The following ERC2 variants were observed in gnomAD, a reference collection of about 807,000 sequenced individuals.
ERC2 encodes ERC protein 2.
ERC2 carries 42 observed loss-of-function variants against 114.8 expected under a neutral mutation model. The ratio of observed to expected loss-of-function variants is 0.37; its 90% confidence interval spans 0.29 to 0.47. The LOEUF (loss-of-function observed/expected upper bound fraction) is 0.47. Among genes scored for constraint, ERC2 ranks in the 20% least tolerant of loss-of-function variants. The pLI, the probability that ERC2 is intolerant of heterozygous loss-of-function variation, is 0.99. For missense variants in ERC2, 939 were observed against 1,150.7 expected (o/e 0.82, Z 2.66); for synonymous variants, 454 against 425.5 (o/e 1.07, Z -0.82).
intron 14 of ERC2, among the ~76,000 whole-genome samples, chr3:55,824,890 G>A (rs1575728131): frequency 6.6e-6 from 1 of 152,190 alleles, no homozygotes; most frequent in African/African-American, 2.4e-5. Flanking sequence ...GTTGAGATAA[G>A]TGTTTAGATT....
chr3:56,226,405 A>C (rs2050251055), intron 3 of ERC2, among the ~76,000 whole-genome samples: 1 of 152,144 alleles, frequency 6.6e-6, no homozygotes, highest in Non-Finnish European at 1.5e-5. Context: ...ACAAAATTAA[A>C]AGTGCACGAA....
intron 4 of ERC2, among the ~76,000 whole-genome samples, chr3:56,160,231 G>C (rs1333006304): frequency 6.6e-6 from 1 of 151,958 alleles, no homozygotes; most frequent in African/African-American, 2.4e-5. Context: ...GTTTTTATTT[G>C]CTTCTCTCTG....
intron 2 of ERC2, among the ~76,000 whole-genome samples, chr3:56,373,572 C>G (rs1157253632): frequency 2.0e-5 from 3 of 151,914 alleles, no homozygotes; most frequent in African/African-American, 7.3e-5. Flanking sequence ...CAATTTCATG[C>G]TGGAAACAGA....
At chr3:55,995,537 A>C (rs1273745758) in intron 10 of ERC2, among the ~76,000 whole-genome samples, 1 of 152,194 alleles carries the variant, frequency 6.6e-6, no homozygotes, top group African/African-American at 2.4e-5. Context: ...GAAAGCTTTA[A>C]GAAAAAGTCA....
intron 2 of ERC2, among the ~76,000 whole-genome samples, chr3:56,384,230 T>G (rs1300577681): frequency 6.6e-6 from 1 of 152,200 alleles, no homozygotes; most frequent in African/African-American, 2.4e-5. Context: ...GAAGTGGAAT[T>G]GCTGGATCAT....
In ERC2 at chr3:56,000,856, C is replaced by T. The variant is rs1232776169; in HGVS notation, c.2061+6325G>A. ...TCCCTTGAGCCCAGGAGTTTGAGAC[C>T]AGTCTTAGGCAACAGAGCGAGACTT... On this transcript the variant is annotated intron_variant, in intron 10 of 17. Coordinates refer to ENST00000288221, the MANE Select transcript of ERC2 (RefSeq NM_015576.3). 6.7e-5 allele frequency among the ~76,000 whole-genome samples: 10 copies of T among 149,680 alleles called. No homozygotes were observed. In the East Asian group the frequency reaches 1.8e-3, roughly 26 times the overall value.
intron 4 of ERC2, among the ~76,000 whole-genome samples, chr3:56,153,216 G>A (rs574701192): frequency 2.0e-5 from 3 of 152,264 alleles, no homozygotes; most frequent in African/African-American, 7.2e-5. Flanking sequence ...TTTGCCAGGT[G>A]AGTAAGATAC....
intron 14 of ERC2, among the ~76,000 whole-genome samples, chr3:55,779,769 AGAGGTAAATACATAT>A (rs1385781550): frequency 1.3e-5 from 2 of 152,332 alleles, no homozygotes; most frequent in African/African-American, 4.8e-5. Flanking sequence ...GTAAGTCAAG[AGAGGTAAATACATAT>A]GAGATCATTC....
chr3:55,590,259 GC>G (rs2057808253), intron 17 of ERC2, among the ~76,000 whole-genome samples: 1 of 152,120 alleles, frequency 6.6e-6, no homozygotes, highest in Admixed American at 6.5e-5. Flanking sequence ...TCCAAATTTG[GC>G]GAGGTTATAG....
intron 17 of ERC2, among the ~76,000 whole-genome samples, chr3:55,591,580 T>C (rs983439594): frequency 3.3e-5 from 5 of 150,962 alleles, no homozygotes; most frequent in African/African-American, 9.8e-5. Context: ...TGTGCGTGTG[T>C]GTGTGTGTGT....
At chr3:56,105,937 G>C (rs781750545) in intron 6 of ERC2, among the ~76,000 whole-genome samples, 5 of 152,172 alleles carry the variant, frequency 3.3e-5, no homozygotes, top group Non-Finnish European at 7.4e-5. Context: ...AACACAACTT[G>C]AAAGTCAGAA....
At chr3:56,314,490 T>C (rs1373433840) in intron 2 of ERC2, among the ~76,000 whole-genome samples, 1 of 110,872 alleles carries the variant, frequency 9.0e-6, no homozygotes, top group Non-Finnish European at 1.7e-5. Context: ...CAGGTGAAAC[T>C]GCAATTCCAG....
intron 14 of ERC2, among the ~76,000 whole-genome samples, chr3:55,738,505 A>ACCC (rs1207842279): frequency 6.6e-6 from 1 of 152,118 alleles, no homozygotes; most frequent in Non-Finnish European, 1.5e-5. Flanking sequence ...TCATTTTCCC[A>ACCC]CCCAGGCTAT....
At chr3:55,688,464 T>G (rs1284231113) in intron 16 of ERC2, among the ~76,000 whole-genome samples, 5 of 152,134 alleles carry the variant, frequency 3.3e-5, no homozygotes, top group African/African-American at 4.8e-5. Flanking sequence ...CCCTTCTGAC[T>G]CCACCATATG....
chr3:55,722,289 C>T (rs549913582), intron 15 of ERC2, among the ~76,000 whole-genome samples: 1 of 152,120 alleles, frequency 6.6e-6, no homozygotes, highest in African/African-American at 2.4e-5. Context: ...TTCTGGCTCC[C>T]CCACCTTGTC....
At chr3:55,591,934 T>C (rs1217085206) in intron 17 of ERC2, among the ~76,000 whole-genome samples, 1 of 152,228 alleles carries the variant, frequency 6.6e-6, no homozygotes, top group Non-Finnish European at 1.5e-5. Context: ...TGCTGACACA[T>C]AGCTTCTGAA....
intron 17 of ERC2, among the ~76,000 whole-genome samples, chr3:55,656,482 A>G (rs1162906707): frequency 1.3e-5 from 2 of 152,144 alleles, no homozygotes; most frequent in Non-Finnish European, 2.9e-5. Context: ...CATGGTAGCT[A>G]TGCCATCACC....
intron 2 of ERC2, among the ~76,000 whole-genome samples, chr3:56,365,214 G>A (rs1179356154): frequency 6.6e-6 from 1 of 152,160 alleles, no homozygotes; most frequent in Non-Finnish European, 1.5e-5. Context: ...ATCAGTGACT[G>A]TATATAAGAC....
intron 17 of ERC2, among the ~76,000 whole-genome samples, chr3:55,553,929 G>C (rs939552818): frequency 6.6e-6 from 1 of 152,232 alleles, no homozygotes; most frequent in Non-Finnish European, 1.5e-5. Context: ...GGGAATATGA[G>C]TGACTTTTAG....
Sources: allele counts gnomAD v4.1 joint callset (sites outside exome capture counted in the v4.1 genomes callset), GRCh38; gene constraint gnomAD v4.1.1; transcripts MANE v1.5; gene names NCBI Gene and HGNC (gene_info 2026-07-23, HGNC 2026-07-21).